SPAG16: variants seen among roughly 807,000 people sequenced by gnomAD.
The protein encoded by SPAG16 is sperm-associated antigen 16 protein.
Under a neutral mutation model 80.4 loss-of-function variants are expected in SPAG16, and 86 were observed. The ratio of observed to expected loss-of-function variants is 1.07; its 90% CI spans 0.90 to 1.28. The LOEUF is 1.28. Among genes scored for constraint, SPAG16 ranks in the 50% most tolerant of loss-of-function variants. The pLI is 0.00. For missense variants in SPAG16, 870 were observed against 765.3 expected, an observed-to-expected ratio of 1.14 and a Z score of -1.61; for synonymous variants, 294 against 265.9, an observed-to-expected ratio of 1.11 and a Z score of -1.03.
chr2:213,546,225 T>A (rs949944044), intron 10 of SPAG16, among the ~76,000 whole-genome samples: 11 of 152,274 alleles, frequency 7.2e-5, no homozygotes, highest in South Asian at 2.1e-4. Flanking sequence ...TGTAAACACT[T>A]AGGCTTGCTC....
chr2:213,901,840 G>A (rs1189789048), intron 11 of SPAG16, among the ~76,000 whole-genome samples: 1 of 152,146 alleles, frequency 6.6e-6, no homozygotes, highest in Non-Finnish European at 1.5e-5. Context: ...TGAGTGTAAA[G>A]AATGCCTGGA....
At chr2:213,853,321 C>A (rs1039871750) in intron 10 of SPAG16, among the ~76,000 whole-genome samples, 1 of 152,076 alleles carries the variant, frequency 6.6e-6, no homozygotes, top group Non-Finnish European at 1.5e-5. Flanking sequence ...CACCATACAC[C>A]TACACACACT....
At chr2:214,003,892 C>T (rs952962239) in intron 12 of SPAG16, among the ~76,000 whole-genome samples, 3 of 152,110 alleles carry the variant, frequency 2.0e-5, no homozygotes, top group Non-Finnish European at 4.4e-5. Flanking sequence ...CAGCACATAG[C>T]GCTACAGCCA....
At chr2:214,196,554 A>G (rs565129805) in intron 15 of SPAG16, among the ~76,000 whole-genome samples, 3 of 152,232 alleles carry the variant, frequency 2.0e-5, no homozygotes, top group East Asian at 1.9e-4. Flanking sequence ...CCTAATTCCA[A>G]CTGAAATATA....
At chr2:213,888,379 T>C (rs1478675605) in intron 11 of SPAG16, among the ~76,000 whole-genome samples, 1 of 151,834 alleles carries the variant, frequency 6.6e-6, no homozygotes, top group African/African-American at 2.4e-5. Flanking sequence ...TTGAGAAAAG[T>C]TAGGTACATT....
chr2:214,206,743 G>A (rs188468232), intron 15 of SPAG16, among the ~76,000 whole-genome samples: 19 of 152,216 alleles, frequency 1.2e-4, no homozygotes, highest in African/African-American at 4.1e-4. Context: ...TACCAAAGGT[G>A]TATGAGAGTT....
intron 3 of SPAG16, among the ~76,000 whole-genome samples, chr2:213,304,339 T>G (rs1212222927): frequency 6.6e-6 from 1 of 152,128 alleles, no homozygotes; most frequent in Non-Finnish European, 1.5e-5. Flanking sequence ...CCCTTCACAT[T>G]ATTGATTGTT....
intron 1 of SPAG16, among the ~76,000 whole-genome samples, chr2:213,290,803 C>T (rs996278102): frequency 7.9e-5 from 12 of 152,126 alleles, no homozygotes; most frequent in African/African-American, 1.7e-4. Context: ...TCATTCTTGA[C>T]GAATTAACCT....
chr2:213,465,942 G>C (rs2072664363), intron 9 of SPAG16, among the ~76,000 whole-genome samples: 1 of 152,170 alleles, frequency 6.6e-6, no homozygotes, highest in Admixed American at 6.6e-5. Flanking sequence ...TAACATTTGA[G>C]TCAATGGACT....
At chr2:213,640,459 C>T (rs1253561046) in intron 10 of SPAG16, among the ~76,000 whole-genome samples, 1 of 152,056 alleles carries the variant, frequency 6.6e-6, no homozygotes, top group African/African-American at 2.4e-5. Flanking sequence ...TGGTGTTCTC[C>T]CCCTTTTCCT....
rs558294474 is a variant in SPAG16, at chr2:213,768,660, C to T, written c.1071-93825C>T. ...GGTCTCAGATGATGAAAATAAATTT[C>T]GAATATGTTGAATTTGCAATGTTTG... On this transcript the variant is annotated intron_variant, in intron 10 of 15. Transcript: ENST00000331683. Among the ~76,000 whole-genome samples, 10 of 152,184 alleles carry T rather than the reference C, an allele frequency of 6.6e-5. No individual in the cohort carries two copies. In the East Asian group the frequency reaches 1.2e-3, roughly 18 times the overall value.
intron 9 of SPAG16, among the ~76,000 whole-genome samples, chr2:213,467,889 C>G (rs1166782106): frequency 6.6e-6 from 1 of 152,218 alleles, no homozygotes; most frequent in Non-Finnish European, 1.5e-5. Context: ...TAGGAGTTAT[C>G]AGGTGCATCT....
intron 10 of SPAG16, among the ~76,000 whole-genome samples, chr2:213,676,386 C>T (rs1481241794): frequency 6.6e-6 from 1 of 150,630 alleles, no homozygotes; most frequent in Non-Finnish European, 1.5e-5. Context: ...CCTTCTCCTG[C>T]CTAATTGCCC....
intron 13 of SPAG16, among the ~76,000 whole-genome samples, chr2:214,070,790 C>T (rs1022372737): frequency 6.6e-6 from 1 of 151,982 alleles, no homozygotes; most frequent in Non-Finnish European, 1.5e-5. Flanking sequence ...TATATTAACA[C>T]ATTACTAATA....
intron 11 of SPAG16, among the ~76,000 whole-genome samples, chr2:213,878,350 A>T (rs576274493): frequency 9.9e-5 from 15 of 152,076 alleles, no homozygotes; most frequent in African/African-American, 3.4e-4. Flanking sequence ...TTATTTTTTG[A>T]CTTTTAAATA....
chr2:213,629,045 G>T (rs1488040083), intron 10 of SPAG16, among the ~76,000 whole-genome samples: 4 of 152,180 alleles, frequency 2.6e-5, no homozygotes, highest in Admixed American at 2.6e-4. Flanking sequence ...AGCTCTGACA[G>T]AGGTAAGGCA....
At position 214,106,446 on chromosome 2, in the gene SPAG16, T is replaced by C. The variant is rs76914316; in HGVS notation, c.1528-1750T>C. 4.3e-3 allele frequency among the ~76,000 whole-genome samples: 661 copies of C among 152,296 alleles called. 5 individuals carry two copies. The highest frequency in any genetic ancestry group is 0.01 in the Middle Eastern group (3 of 294). On this transcript the variant is annotated intron_variant, in intron 13 of 15. Transcript: ENST00000331683. ...GAGAGTATCAAAGTGTTTCAATTTA[T>C]TTTTGTGAAATTTAAATTTATGTGG... is the stretch of plus-strand genomic sequence containing the variant.
At chr2:213,605,837 A>G (rs926781323) in intron 10 of SPAG16, among the ~76,000 whole-genome samples, 4 of 152,200 alleles carry the variant, frequency 2.6e-5, no homozygotes, top group Non-Finnish European at 5.9e-5. Flanking sequence ...TTACATATAC[A>G]TAGTAAAGTA....
At chr2:213,427,030 C>T (rs1230228903) in intron 9 of SPAG16, among the ~76,000 whole-genome samples, 1 of 151,568 alleles carries the variant, frequency 6.6e-6, no homozygotes, top group Non-Finnish European at 1.5e-5. Flanking sequence ...CGCCTTTTGC[C>T]TAAAAACAAA....
Sources: allele counts gnomAD v4.1 joint callset (sites outside exome capture counted in the v4.1 genomes callset), GRCh38; gene constraint gnomAD v4.1.1; transcripts MANE v1.5; gene names NCBI Gene and HGNC (gene_info 2026-07-23, HGNC 2026-07-21).